Variants in TAFA5 observed in about 807,000 individuals in gnomAD.
TAFA5 encodes TAFA chemokine like family member 5.
TAFA5 carries 6 observed loss-of-function variants against 15.3 expected under a neutral mutation model. The observed-to-expected ratio is 0.39, with a 90% confidence interval of 0.21 to 0.77. The LOEUF (loss-of-function observed/expected upper bound fraction) is 0.77. TAFA5 is among the 30% of genes least tolerant of loss of function. The probability of loss-of-function intolerance (pLI) is 0.41; values close to 1 mark genes in which losing one functional copy is unlikely to be tolerated. For synonymous variants in TAFA5, 103 were observed against 80.7 expected (o/e 1.28, Z -1.48); for missense variants, 161 against 193.1 (o/e 0.83, Z 0.98).
At chr22:48,541,584 C>G (rs549443000) in intron 1 of TAFA5, among the ~76,000 whole-genome samples, 1 of 152,316 alleles carries the variant, frequency 6.6e-6, no homozygotes, top group South Asian at 2.1e-4. Flanking sequence ...GTATGCCACA[C>G]AGGGCAACAG....
At chr22:48,713,698 G>T (rs2147255719) in intron 3 of TAFA5, among the ~76,000 whole-genome samples, 1 of 152,306 alleles carries the variant, frequency 6.6e-6, no homozygotes, top group Non-Finnish European at 1.5e-5. Context: ...GCTTGCTACG[G>T]GGAGGAGCCT....
rs1487558201 is a variant in TAFA5 at position 48,489,891 on chromosome 22, G to A, written c.112+187G>A. 6.6e-6 allele frequency among the ~76,000 whole-genome samples: 1 copy of A among 151,782 alleles called. No homozygotes were observed. The highest frequency in any genetic ancestry group is 1.5e-5 in the Non-Finnish European group (1 of 67,914). On this transcript the variant is annotated intron_variant, in intron 1 of 3. Transcript: ENST00000402357. This position sits in a 1 kb window ranked among gnomAD's most constrained non-coding sequence, Gnocchi z 5.5. ...GGGCGAGAGGGTCCACCCGGGTTCC[G>A]GGCGCTCGAGCACTTCGGGGTCGGA...
At chr22:48,718,009 G>A (rs1239168533) in intron 3 of TAFA5, among the ~76,000 whole-genome samples, 1 of 152,254 alleles carries the variant, frequency 6.6e-6, no homozygotes, top group Non-Finnish European at 1.5e-5. Flanking sequence ...ATCTGGGAGT[G>A]AGATAGAGCT....
At chr22:48,611,128 T>C (rs1438652116) in intron 1 of TAFA5, among the ~76,000 whole-genome samples, 1 of 152,148 alleles carries the variant, frequency 6.6e-6, no homozygotes, top group East Asian at 1.9e-4. Flanking sequence ...AGAGACGGGG[T>C]TTCACCATGT....
chr22:48,563,484 G>A (rs530685280), intron 1 of TAFA5, among the ~76,000 whole-genome samples: 3 of 152,324 alleles, frequency 2.0e-5, no homozygotes, highest in South Asian at 2.1e-4. Context: ...GTCTGAAGGC[G>A]GGTGGCGTGT....
At chr22:48,740,252 C>G (rs1194607996) in intron 3 of TAFA5, among the ~76,000 whole-genome samples, 1 of 152,178 alleles carries the variant, frequency 6.6e-6, no homozygotes, top group African/African-American at 2.4e-5. Context: ...TGTGGCCTCC[C>G]TGGCTGGGAG....
At chr22:48,701,713 C>G (rs1380144787) in intron 2 of TAFA5, among the ~76,000 whole-genome samples, 1 of 152,208 alleles carries the variant, frequency 6.6e-6, no homozygotes, top group Non-Finnish European at 1.5e-5. Flanking sequence ...CATCTCAGCC[C>G]TTTCTTCCCC....
intron 1 of TAFA5, among the ~76,000 whole-genome samples, chr22:48,574,050 T>C (rs1923675950): frequency 1.3e-5 from 2 of 151,656 alleles, no homozygotes; most frequent in Admixed American, 6.6e-5. Flanking sequence ...CAGGGTGGGT[T>C]CCTGAGGAGC....
chr22:48,637,551 A>C (rs535264743), intron 1 of TAFA5, among the ~76,000 whole-genome samples: 1 of 152,320 alleles, frequency 6.6e-6, no homozygotes, highest in African/African-American at 2.4e-5. Context: ...TATCGGCAGC[A>C]AAGTGCCTTT....
At chr22:48,651,617 G>A (rs1048084759) in intron 2 of TAFA5, among the ~76,000 whole-genome samples, 4 of 152,202 alleles carry the variant, frequency 2.6e-5, no homozygotes, top group Non-Finnish European at 5.9e-5. Flanking sequence ...GGCCTTGCCC[G>A]CTCTCAGGCA....
intron 1 of TAFA5, among the ~76,000 whole-genome samples, chr22:48,545,875 T>C (rs1288644099): frequency 6.6e-6 from 1 of 152,106 alleles, no homozygotes; most frequent in African/African-American, 2.4e-5. Flanking sequence ...GATTAATACA[T>C]GAATGAGTGG....
intron 1 of TAFA5, among the ~76,000 whole-genome samples, chr22:48,607,156 C>T (rs1925220874): frequency 6.6e-6 from 1 of 152,238 alleles, no homozygotes; most frequent in African/African-American, 2.4e-5. Context: ...CTGGGGCCAG[C>T]CTGGAACAGT....
chr22:48,526,664 A>T (rs1473332022), intron 1 of TAFA5, among the ~76,000 whole-genome samples: 3 of 152,238 alleles, frequency 2.0e-5, no homozygotes, highest in Non-Finnish European at 4.4e-5. Context: ...GTGCATTTGC[A>T]TGTCGATCAC....
chr22:48,618,157 C>T (rs1474692284), intron 1 of TAFA5, among the ~76,000 whole-genome samples: 1 of 152,106 alleles, frequency 6.6e-6, no homozygotes, highest in Non-Finnish European at 1.5e-5. Flanking sequence ...TGCAGTCGAG[C>T]CTGGCCAAGC....
At chr22:48,725,055 A>AG (rs2147263485) in intron 3 of TAFA5, among the ~76,000 whole-genome samples, 2 of 152,382 alleles carry the variant, frequency 1.3e-5, no homozygotes, top group East Asian at 3.9e-4. Flanking sequence ...CTTAGACAGA[A>AG]GTCTGACCTC....
In TAFA5 at chr22:48,642,462, G is replaced by A. The variant is rs1926717805; in HGVS notation, c.113-4135G>A. Among the ~76,000 whole-genome samples the A allele has an allele frequency of 2.6e-5, 4 of 152,204 alleles. No homozygotes were observed. The South Asian group carries it at 6.2e-4, about 24-fold the overall frequency. On this transcript the variant is annotated intron_variant, in intron 1 of 3. Coordinates refer to ENST00000402357, the MANE Select transcript of TAFA5 (RefSeq NM_001082967.3). ...CTGAACCCCCCTTTCTGAGAATGAG[G>A]CGATTTTGGAGCTCGTGAGCAGAGG...
intron 1 of TAFA5, among the ~76,000 whole-genome samples, chr22:48,608,373 G>A (rs904525154): frequency 3.9e-5 from 6 of 152,064 alleles, no homozygotes; most frequent in East Asian, 1.9e-4. Flanking sequence ...TGAAGTGTGC[G>A]CTGAAATACG....
chr22:48,667,224 C>T (rs563705830), intron 2 of TAFA5, among the ~76,000 whole-genome samples: 4 of 152,136 alleles, frequency 2.6e-5, no homozygotes, highest in East Asian at 1.9e-4. Context: ...GGAGCCCGCC[C>T]GCCCTCCCCA....
chr22:48,654,550 A>G (rs898118066), intron 2 of TAFA5, among the ~76,000 whole-genome samples: 5 of 152,232 alleles, frequency 3.3e-5, no homozygotes, highest in Admixed American at 1.3e-4. Flanking sequence ...ATGGGACCCC[A>G]GGCTGTGCTG....
Sources: gnomAD v4.1 joint callset for allele counts (sites outside exome capture counted in the v4.1 genomes callset) on GRCh38, gnomAD v4.1.1 for gene constraint, Gnocchi (gnomAD v3.1) non-coding constraint, MANE v1.5 for transcripts, NCBI Gene and HGNC (gene_info 2026-07-23, HGNC 2026-07-21) for gene names.